SIM2: variants seen among roughly 807,000 people sequenced by gnomAD.
The protein encoded by SIM2 is SIM bHLH transcription factor 2, also known as single-minded homolog 2.
A neutral mutation model predicts 64.8 loss-of-function variants in SIM2; 28 were observed. The observed-to-expected ratio is 0.43, with a 90% CI of 0.32 to 0.59. The LOEUF is 0.59. Ranked by LOEUF, SIM2 falls within the 20% of genes least tolerant of loss-of-function variation. The pLI, the probability that SIM2 is intolerant of heterozygous loss-of-function variation, is 0.07. For synonymous variants in SIM2, 408 were observed against 391.1 expected (o/e 1.04, Z -0.51); for missense variants, 847 against 871.4 (o/e 0.97, Z 0.35).
At chr21:36,719,034 TG>T (rs1383185989) in intron 3 of SIM2, among the ~76,000 whole-genome samples, 2 of 152,202 alleles carry the variant, frequency 1.3e-5, no homozygotes, top group Non-Finnish European at 2.9e-5. Flanking sequence ...CTGTCCTCTG[TG>T]GGCTGTGTCT....
rs184369078 is a variant in SIM2, at chr21:36,729,392, C to T, written c.744-1653C>T. Among the ~76,000 whole-genome samples, 287 of 152,274 alleles carry T rather than the reference C, an allele frequency of 1.9e-3. 3 individuals carry two copies. The highest frequency in any genetic ancestry group is 0.016 in the Admixed American group (247 of 15,300). On this transcript the variant is annotated intron_variant, in intron 6 of 10. Transcript: ENST00000290399. ...GCCCCCTCCCCGCATCCCTCTCCCCCACCACTGCAAGCCCTGTCTCCTTCC... is the reference window on the plus strand; with the variant it reads ...GCCCCCTCCCCGCATCCCTCTCCCCTACCACTGCAAGCCCTGTCTCCTTCC...
chr21:36,743,114 G>A (rs1252875485), intron 8 of SIM2, among the ~76,000 whole-genome samples: 1 of 152,170 alleles, frequency 6.6e-6, no homozygotes, highest in East Asian at 1.9e-4. Flanking sequence ...TTTCCTCATG[G>A]CCCACGACCT....
At chr21:36,739,992 GAAGAAAGAAAGAAAGAGAGA>G (rs1245464070) in intron 7 of SIM2, among the ~76,000 whole-genome samples, 19 of 99,324 alleles carry the variant, frequency 1.9e-4, no homozygotes, top group Non-Finnish European at 2.4e-4. Context: ...AGAAAGAAGA[GAAGAAAGAAAGAAAGAGAGA>G]AAGAAAGAAA....
chr21:36,700,714 G>T (rs1252608742), intron 1 of SIM2, among the ~76,000 whole-genome samples: 1 of 152,240 alleles, frequency 6.6e-6, no homozygotes, highest in Non-Finnish European at 1.5e-5. Context: ...CTCTCGTGAG[G>T]CTGGGGTGCG....
chr21:36,732,364 G>T (rs963526783), intron 7 of SIM2, among the ~76,000 whole-genome samples: 1 of 152,208 alleles, frequency 6.6e-6, no homozygotes, highest in Non-Finnish European at 1.5e-5. Flanking sequence ...CTCTGTTCTT[G>T]CTCTGCCTTC....
At chr21:36,725,828 C>T (rs1427231379) in intron 5 of SIM2, among the ~76,000 whole-genome samples, 1 of 152,120 alleles carries the variant, frequency 6.6e-6, no homozygotes, top group Non-Finnish European at 1.5e-5. Context: ...GCCATGTCAC[C>T]AAGGCTGGTC....
chr21:36,738,186 C>G (rs972216728), intron 7 of SIM2, among the ~76,000 whole-genome samples: 1 of 151,928 alleles, frequency 6.6e-6, no homozygotes, highest in Admixed American at 6.6e-5. Flanking sequence ...ACCTCACCCC[C>G]ATACGTATTA....
At chr21:36,731,835 C>A (rs2088972615) in intron 7 of SIM2, among the ~76,000 whole-genome samples, 1 of 152,102 alleles carries the variant, frequency 6.6e-6, no homozygotes, top group African/African-American at 2.4e-5. Context: ...GCTCTAGTCA[C>A]TGAAATGTTT....
chr21:36,703,898 A>G (rs1339081649), intron 1 of SIM2, among the ~76,000 whole-genome samples: 2 of 152,264 alleles, frequency 1.3e-5, no homozygotes, highest in Non-Finnish European at 2.9e-5. Flanking sequence ...ATCGGAGGTC[A>G]GAGGCAGGGC....
intron 1 of SIM2, among the ~76,000 whole-genome samples, chr21:36,707,971 C>CGA (rs6147499): frequency 3.7e-4 from 6 of 16,186 alleles, no homozygotes; most frequent in African/African-American, 1.5e-3. Flanking sequence ...GGGCCTGGCC[C>CGA]AGCGTGGGTT....
At chr21:36,742,006 T>C in intron 8 of SIM2, 142 bp downstream of exon 8, 1 of 1,011,636 alleles carries the variant, frequency 9.9e-7, no homozygotes, top group South Asian at 1.9e-5. Context: ...TTTTAATTTT[T>C]TTTTTTTAGG....
At chr21:36,737,637 C>T (rs1429126757) in intron 7 of SIM2, among the ~76,000 whole-genome samples, 1 of 152,198 alleles carries the variant, frequency 6.6e-6, no homozygotes, top group Non-Finnish European at 1.5e-5. Flanking sequence ...TAGGTAGGCT[C>T]CTGCCCAGAA....
At chr21:36,741,566 G>A (rs1209068160) in intron 7 of SIM2, 151 bp from the exon 8 acceptor site, 17 of 817,746 alleles carry the variant, frequency 2.1e-5, no homozygotes, top group African/African-American at 3.4e-5. Context: ...CGCACGAGAC[G>A]CACACAGACA....
Position 36,736,861 on chromosome 21 carries a change from TTTCTTTCTTTCTTTCTTC to T in SIM2, c.851-4855_851-4838del, listed in dbSNP as rs1178086736. 4.8e-5 allele frequency among the ~76,000 whole-genome samples: 7 copies of T among 144,916 alleles called. No homozygotes were observed. The East Asian group carries it at 9.9e-4, about 21-fold the overall frequency. On this transcript the variant is annotated intron_variant, in intron 7 of 10. Coordinates refer to ENST00000290399, the MANE Select transcript of SIM2 (RefSeq NM_005069.6). The stretch of plus-strand genomic sequence containing the variant: ...TTTCTCTTTCTTTTCTTTCTTTCTT[TTTCTTTCTTTCTTTCTTC>T]CTTCCTTTTCTTTTTCTTTCTTTTT...
intron 7 of SIM2, among the ~76,000 whole-genome samples, chr21:36,737,468 G>T (rs78549407): frequency 3.6e-4 from 54 of 151,190 alleles, no homozygotes; most frequent in African/African-American, 9.9e-4. Context: ...AGACCCTCAG[G>T]GGGGGCTGAG....
intron 3 of SIM2, among the ~76,000 whole-genome samples, chr21:36,717,687 T>A (rs965519324): frequency 6.6e-6 from 1 of 152,138 alleles, no homozygotes; most frequent in African/African-American, 2.4e-5. Context: ...CCTCAGGTGA[T>A]CCGCCTGCCT....
chr21:36,703,613 A>G (rs1264214194), intron 1 of SIM2, among the ~76,000 whole-genome samples: 2 of 152,322 alleles, frequency 1.3e-5, no homozygotes, highest in Non-Finnish European at 2.9e-5. Context: ...CATTGGAGGT[A>G]GATAGTGCTG....
rs572903842 is a variant in SIM2 at position 36,726,890 on chromosome 21, T to A, written c.743+572T>A. Among the ~76,000 whole-genome samples the A allele has an allele frequency of 6.6e-6, 1 of 152,202 alleles. No homozygotes were observed. Among genetic ancestry groups the A allele is most frequent in the East Asian group, 1.9e-4 (1 of 5,188 alleles). On this transcript the variant is annotated intron_variant, in intron 6 of 10. Transcript: ENST00000290399. The surrounding 1 kb of genome is among the most constrained non-coding windows in gnomAD (Gnocchi z 4.5). Reference sequence around the variant, plus strand: ...GCTGGGAGGAGGGGATTGGATGAGGTCATTTCTCCTGGCCTTGGGGAGTAC... The same window carrying A: ...GCTGGGAGGAGGGGATTGGATGAGGACATTTCTCCTGGCCTTGGGGAGTAC...
At chr21:36,703,655 G>A (rs542617098) in intron 1 of SIM2, among the ~76,000 whole-genome samples, 3 of 152,364 alleles carry the variant, frequency 2.0e-5, no homozygotes, top group Admixed American at 1.3e-4. Flanking sequence ...GCTGACTTTG[G>A]ACATGGGCTC....
Sources: allele counts gnomAD v4.1 joint callset (sites outside exome capture counted in the v4.1 genomes callset), GRCh38; gene constraint gnomAD v4.1.1; non-coding constraint Gnocchi (gnomAD v3.1); transcripts MANE v1.5; gene names NCBI Gene and HGNC (gene_info 2026-07-23, HGNC 2026-07-21).